Variants in NBAS observed in about 807,000 individuals in gnomAD.
The protein encoded by NBAS is NBAS subunit of NRZ tethering complex.
A neutral mutation model predicts 302.5 loss-of-function variants in NBAS; 219 were observed. That is an observed-to-expected ratio of 0.72 (90% CI 0.65 to 0.81). The LOEUF is 0.81. Among genes scored for constraint, NBAS ranks in the 30% least tolerant of loss-of-function variants. The probability of loss-of-function intolerance (pLI) is 0.00; values close to 1 mark genes in which losing one functional copy is unlikely to be tolerated. For missense variants in NBAS, 2,932 were observed against 2,841.6 expected (o/e 1.03, Z -0.72); for synonymous variants, 1,118 against 1,021.6 (o/e 1.09, Z -1.80).
At chr2:14,852,079 A>C in the NBAS span, among the ~76,000 whole-genome samples, 1 of 35,720 alleles carries the variant, frequency 2.8e-5, no homozygotes, top group Non-Finnish European at 4.2e-5. Flanking sequence ...AGTTCTGGCC[A>C]GGGCAATTAG....
chr2:15,284,388 C>T (rs985273487), intron 42 of NBAS, among the ~76,000 whole-genome samples: 4 of 152,160 alleles, frequency 2.6e-5, no homozygotes, highest in African/African-American at 9.7e-5. Context: ...CATGGACACA[C>T]ACCTAGAAGT....
Position 15,328,341 on chromosome 2 carries a change from G to T in NBAS, c.4348-29C>A, listed in dbSNP as rs1672173384. On this transcript the variant is annotated intron_variant, in intron 36 of 51. Transcript: ENST00000281513. ...AAAAGAAAAAAAGTACAGAACAATG[G>T]ATAAAAAGAAAGAGAAGGCAAGGAG... The T allele has an allele frequency of 1.9e-6, 3 of 1,565,000 alleles. No individual in the cohort carries two copies. In the East Asian group the frequency reaches 6.7e-5, roughly 35 times the overall value.
the NBAS span, among the ~76,000 whole-genome samples, chr2:14,883,737 A>T: frequency 1.3e-5 from 2 of 152,184 alleles, no homozygotes; most frequent in East Asian, 3.9e-4. Context: ...TTGGGGGACC[A>T]AGGCAGGGGA....
In NBAS at chr2:15,369,847, G is replaced by T. The variant is rs751569170; in HGVS notation, c.3704-3154C>A. Reference sequence around the variant, plus strand: ...CACACACACATACACGTGCATGCACGTCTCAGATGTAAAAAGCATTTTCTA... The same window carrying T: ...CACACACACATACACGTGCATGCACTTCTCAGATGTAAAAAGCATTTTCTA... On this transcript the variant is annotated intron_variant, in intron 31 of 51. Coordinates refer to ENST00000281513, the MANE Select transcript of NBAS (RefSeq NM_015909.4). Among the ~76,000 whole-genome samples the T allele has an allele frequency of 5.3e-5, 8 of 152,238 alleles. 1 individual carries two copies. The highest frequency in any genetic ancestry group is 3.4e-3 in the Middle Eastern group (1 of 294).
At chr2:15,098,375 T>A in the NBAS span, among the ~76,000 whole-genome samples, 3,306 of 8,420 alleles carry the variant, frequency 0.39, 1,441 homozygotes, top group Non-Finnish European at 0.5. Flanking sequence ...TATAATATAT[T>A]ATATATGATA....
chr2:15,372,766 C>T (rs539776113), intron 31 of NBAS, among the ~76,000 whole-genome samples: 3 of 152,272 alleles, frequency 2.0e-5, no homozygotes, highest in Non-Finnish European at 2.9e-5. Flanking sequence ...AGCAGGGCAG[C>T]GGTTTTGGTT....
intron 48 of NBAS, among the ~76,000 whole-genome samples, chr2:15,192,943 T>C (rs1365376506): frequency 6.6e-6 from 1 of 152,174 alleles, no homozygotes; most frequent in African/African-American, 2.4e-5. Flanking sequence ...TTCAATACCA[T>C]CTAAATTTAT....
the NBAS span, among the ~76,000 whole-genome samples, chr2:14,985,529 T>C: frequency 6.6e-6 from 1 of 152,318 alleles, no homozygotes; most frequent in South Asian, 2.1e-4. Context: ...AAAGGCAAGA[T>C]GTTGGACAAG....
At chr2:15,269,491 C>T (rs1014620849) in intron 44 of NBAS, among the ~76,000 whole-genome samples, 3 of 152,152 alleles carry the variant, frequency 2.0e-5, no homozygotes, top group African/African-American at 7.2e-5. Context: ...AAAAACAACA[C>T]AGAATTTGTT....
At chr2:14,917,608 C>T in the NBAS span, among the ~76,000 whole-genome samples, 16 of 152,166 alleles carry the variant, frequency 1.1e-4, no homozygotes, top group Non-Finnish European at 2.2e-4. Flanking sequence ...GTCTGCCTGC[C>T]ACATGGAGGG....
chr2:15,119,735 C>T, the NBAS span, among the ~76,000 whole-genome samples: 1 of 152,262 alleles, frequency 6.6e-6, no homozygotes, highest in East Asian at 1.9e-4. Flanking sequence ...GAGCTCGGTC[C>T]CATGTACTCA....
At chr2:14,885,960 G>T in the NBAS span, among the ~76,000 whole-genome samples, 1 of 152,196 alleles carries the variant, frequency 6.6e-6, no homozygotes, top group Non-Finnish European at 1.5e-5. Flanking sequence ...GGGAGGCAAA[G>T]AAATAAAGAG....
chr2:14,862,923 G>C, the NBAS span, among the ~76,000 whole-genome samples: 85,605 of 151,934 alleles, frequency 0.56, 26,508 homozygotes, highest in African/African-American at 0.84. Context: ...GGTGTTCCCT[G>C]GATTCAGCCA....
intron 51 of NBAS, among the ~76,000 whole-genome samples, chr2:15,168,323 G>T (rs1282952331): frequency 6.6e-6 from 1 of 152,194 alleles, no homozygotes; most frequent in East Asian, 1.9e-4. Context: ...TCTGTGACAA[G>T]GAAGAAAGGC....
chr2:15,160,408 C>A, the NBAS span, among the ~76,000 whole-genome samples: 7 of 152,168 alleles, frequency 4.6e-5, no homozygotes, highest in African/African-American at 1.7e-4. Context: ...CACCTGTGGA[C>A]GCAGCAGGGA....
the NBAS span, among the ~76,000 whole-genome samples, chr2:14,920,271 G>A: frequency 6.6e-6 from 1 of 152,264 alleles, no homozygotes; most frequent in African/African-American, 2.4e-5. Flanking sequence ...TGGGCAGTAG[G>A]TCTCAAGAGT....
intron 35 of NBAS, among the ~76,000 whole-genome samples, chr2:15,340,932 C>G: frequency 6.6e-6 from 1 of 151,728 alleles, no homozygotes; most frequent in East Asian, 1.9e-4. Context: ...AAAATGGTGA[C>G]GAAAGAAGGC....
the NBAS span, among the ~76,000 whole-genome samples, chr2:15,049,559 C>G: frequency 1.3e-5 from 2 of 152,198 alleles, no homozygotes; most frequent in Non-Finnish European, 2.9e-5. Flanking sequence ...AAACAACTCT[C>G]CTCCCAGGAT....
At chr2:14,796,390 A>AT in the NBAS span, among the ~76,000 whole-genome samples, 1 of 152,102 alleles carries the variant, frequency 6.6e-6, no homozygotes, top group Non-Finnish European at 1.5e-5. Context: ...GACTGCTGGG[A>AT]TTTTGATTGA....
Sources: gnomAD v4.1 joint callset for allele counts (sites outside exome capture counted in the v4.1 genomes callset) on GRCh38, gnomAD v4.1.1 for gene constraint, MANE v1.5 for transcripts, NCBI Gene and HGNC (gene_info 2026-07-23, HGNC 2026-07-21) for gene names.